ITGAX: variants seen among roughly 807,000 people sequenced by gnomAD.
The protein encoded by ITGAX is integrin subunit alpha X.
In ITGAX, 99 loss-of-function variants were observed where a neutral mutation model predicts 140.2. The observed-to-expected ratio is 0.71, with a 90% confidence interval of 0.60 to 0.83. The LOEUF is 0.83. Among genes scored for constraint, ITGAX ranks in the 40% least tolerant of loss-of-function variants. The pLI, the probability that ITGAX is intolerant of heterozygous loss-of-function variation, is 0.00. For synonymous variants in ITGAX, 631 were observed against 600.4 expected (o/e 1.05, Z -0.75); for missense variants, 1,444 against 1,482.0 (o/e 0.97, Z 0.42).
chr16:31,359,583 C>T, intron 5 of ITGAX, 117 bp from the exon 6 acceptor site: 1 of 1,263,400 alleles, frequency 7.9e-7, no homozygotes, highest in Non-Finnish European at 1.1e-6. Flanking sequence ...CTCCCATCGC[C>T]AGACTAGGGG....
At chr16:31,381,136 C>T (rs2081065819) in intron 29 of ITGAX, 129 bp downstream of exon 29, 2 of 640,660 alleles carry the variant, frequency 3.1e-6, no homozygotes, top group Non-Finnish European at 5.4e-6. Flanking sequence ...AACTGCTTCC[C>T]ACCTGCAATG....
In ITGAX at chr16:31,379,733, C is replaced by G. The variant is rs749620304; in HGVS notation, c.2869-24C>G. On this transcript the variant is annotated intron_variant, in intron 24 of 29. Coordinates refer to ENST00000268296, the MANE Select transcript of ITGAX (RefSeq NM_000887.5). ...AGGGATTTGGGCTTTGGCGTGGGCT[C>G]TGCCCTCAGTGCCCTCTGTGCAGGT... is the stretch of plus-strand genomic sequence containing the variant. The G allele has an allele frequency of 1.9e-6, 3 of 1,608,570 alleles. No individual in the cohort carries two copies. The African/African-American group carries it at 4.0e-5, about 22-fold the overall frequency.
chr16:31,382,190 C>T lies in ITGAX; in HGVS notation c.*283C>T. On this transcript the variant is annotated 3_prime_UTR_variant, in exon 30 of 30. Transcript: ENST00000268296. ...GACAATACCCCCAGGCCTCAGTCTC[C>T]CTTCTCCCATGAGGCACGAATGATC... The T allele has an allele frequency of 1.4e-6, 2 of 1,412,816 alleles. No homozygotes were observed. Among genetic ancestry groups the T allele is most frequent in the South Asian group, 1.6e-5 (1 of 61,470 alleles). The allele number at this position is 1,412,816 out of a possible 1,614,324, so 87.5% of individuals were successfully genotyped here. A position where few individuals can be genotyped will look rare whatever the true frequency, so the allele number is the denominator to read the frequency against.
At chr16:31,377,127 AC>A in intron 22 of ITGAX, 48 bp downstream of exon 22, 1 of 1,610,818 alleles carries the variant, frequency 6.2e-7, no homozygotes, top group Non-Finnish European at 8.5e-7. Context: ...CCAGCCTCAC[AC>A]CCCATTCTCC....
At chr16:31,356,757 G>A in intron 3 of ITGAX, 29 bp downstream of exon 3, 1 of 1,494,604 alleles carries the variant, frequency 6.7e-7, no homozygotes, top group Non-Finnish European at 9.1e-7. Flanking sequence ...CGGGACCCAG[G>A]GCCGGGCTCC....
In ITGAX at chr16:31,371,082, A is replaced by G. The variant is rs774512013; in HGVS notation, c.1711-2A>G. 7 of 1,613,748 alleles carry G rather than the reference A, an allele frequency of 4.3e-6. No homozygotes were observed. In the Admixed American group the frequency reaches 5.0e-5, roughly 12 times the overall value. On this transcript the variant is annotated splice_acceptor_variant, in intron 14 of 29. Transcript: ENST00000268296. LOFTEE classifies it high-confidence loss of function. The stretch of plus-strand genomic sequence containing the variant: ...TGATTCACCCTTCTCTCCTCTGGCC[A>G]GCGGATCGCGGGCTCCCAGCTCTCC...
chr16:31,372,167 G>GA (rs990501651), intron 17 of ITGAX, among the ~76,000 whole-genome samples: 5 of 138,836 alleles, frequency 3.6e-5, no homozygotes, highest in African/African-American at 1.6e-4. Context: ...GGGAGGTCTG[G>GA]GGGGGGGGAG....
At chr16:31,357,190 G>T in intron 4 of ITGAX, 63 bp from the exon 5 acceptor site, 1 of 1,541,178 alleles carries the variant, frequency 6.5e-7, no homozygotes, top group Non-Finnish European at 8.8e-7. Flanking sequence ...TAGGGTGGAG[G>T]TTCCGGAATG....
chr16:31,380,838 G>A, intron 28 of ITGAX, 59 bp from the exon 29 acceptor site: 6 of 1,479,994 alleles, frequency 4.1e-6, no homozygotes, highest in Non-Finnish European at 5.7e-6. Context: ...GGGGAGCCTG[G>A]GAGGAGTCTG....
At chr16:31,359,350 G>A (rs1456769998) in intron 5 of ITGAX, among the ~76,000 whole-genome samples, 1 of 152,034 alleles carries the variant, frequency 6.6e-6, no homozygotes, top group Non-Finnish European at 1.5e-5. Flanking sequence ...ATTTTTAGTA[G>A]AGACGGGGTT....
intron 20 of ITGAX, among the ~76,000 whole-genome samples, chr16:31,374,042 A>C (rs2080997307): frequency 6.6e-6 from 1 of 152,198 alleles, no homozygotes; most frequent in Non-Finnish European, 1.5e-5. Context: ...TAATCCCAGG[A>C]CTTCGGGAGG....
chr16:31,371,797 A>G lies in ITGAX; in HGVS notation c.2160+13A>G, dbSNP rs1236524082. 1.9e-6 allele frequency: 3 copies of G among 1,613,212 alleles called. No homozygotes were observed. The highest frequency in any genetic ancestry group is 2.5e-6 in the Non-Finnish European group (3 of 1,179,652). ...CCTGCTGCTCCCGGTGCGTCTGGGC[A>G]TGAACGTGGGTGGCGGCCGCGCTGG... is the stretch of plus-strand genomic sequence containing the variant. On this transcript the variant is annotated intron_variant, in intron 17 of 29. Coordinates refer to ENST00000268296, the MANE Select transcript of ITGAX (RefSeq NM_000887.5).
chr16:31,355,415 G>C (rs878962997), intron 1 of ITGAX, 124 bp downstream of exon 1: 3 of 990,352 alleles, frequency 3.0e-6, no homozygotes, highest in Non-Finnish European at 4.6e-6. Context: ...TCAAGCCTGA[G>C]GGGGAGGCAG....
rs377601974 is a variant in ITGAX, at chr16:31,363,350, C to G, written c.1686C>G (p.Pro562=). Reference sequence around the variant, plus strand: ...ACCTGTTTCACGGAGTCTTGGGACCCAGCATCAGCCCCTCCCACAGCCAGG... The same window carrying G: ...ACCTGTTTCACGGAGTCTTGGGACCGAGCATCAGCCCCTCCCACAGCCAGG... ...AVYLFHGVLG[P]SISPSHSQRI... Residue 562 remains proline (P), a synonymous_variant, in exon 14 of 30, where the codon CCC becomes CCG. Transcript: ENST00000268296. 1 of 1,613,220 alleles carries G rather than the reference C, an allele frequency of 6.2e-7. No homozygotes were observed. The highest frequency in any genetic ancestry group is 8.5e-7 in the Non-Finnish European group (1 of 1,179,402).
In ITGAX at chr16:31,380,377, C is replaced by G; in HGVS notation, c.3172C>G (p.Gln1058Glu). 2 of 1,613,978 alleles carry G rather than the reference C, an allele frequency of 1.2e-6. No individual in the cohort carries two copies. Among genetic ancestry groups the G allele is most frequent in the Non-Finnish European group, 8.5e-7 (1 of 1,179,948 alleles). ...KGNLSFGWVR[Q>E]ILQKKVSVVS... ...CAACCTCAGCTTTGGCTGGGTCCGC[C>G]AGGTGTGTGGGTGCAACGACAGAGC... Residue 1058 changes from glutamine (Q) to glutamate (E), a missense_variant and splice_region_variant, in exon 27 of 30, where the codon CAG becomes GAG. Physicochemically the swap from Gln to Glu is conservative, Grantham distance 29. Coordinates refer to ENST00000268296, the MANE Select transcript of ITGAX (RefSeq NM_000887.5).
chr16:31,365,895 C>G (rs2142502534), intron 14 of ITGAX, among the ~76,000 whole-genome samples: 1 of 152,166 alleles, frequency 6.6e-6, no homozygotes, highest in African/African-American at 2.4e-5. Flanking sequence ...TGCACTCCAG[C>G]CTGGGTGATA....
At chr16:31,371,885 C>T (rs2080967049) in intron 17 of ITGAX, 101 bp downstream of exon 17, 1 of 1,380,292 alleles carries the variant, frequency 7.2e-7, no homozygotes, top group Non-Finnish European at 9.8e-7. Context: ...TGGCTCAGCC[C>T]AGCACAGGAC....
intron 23 of ITGAX, 70 bp downstream of exon 23, chr16:31,377,335 C>T (rs887310015): frequency 2.0e-6 from 2 of 1,011,228 alleles, no homozygotes; most frequent in East Asian, 2.6e-5. Context: ...AAAAAAAAGG[C>T]CTTGAAACGC....
chr16:31,355,629 G>A (rs999867627), intron 1 of ITGAX, among the ~76,000 whole-genome samples: 1 of 152,216 alleles, frequency 6.6e-6, no homozygotes, highest in Non-Finnish European at 1.5e-5. Flanking sequence ...CATAGCGCCC[G>A]AGGTGCACGT....
Sources: gnomAD v4.1 joint callset for allele counts (sites outside exome capture counted in the v4.1 genomes callset) on GRCh38, gnomAD v4.1.1 for gene constraint, MANE v1.5 for transcripts, NCBI Gene and HGNC (gene_info 2026-07-23, HGNC 2026-07-21) for gene names.